The following PLTP variants were observed in gnomAD, a reference collection of about 807,000 sequenced individuals.
PLTP encodes phospholipid transfer protein, also known as BPI fold containing family E.
In PLTP, 43 loss-of-function variants were observed where a neutral mutation model predicts 54.1. The observed-to-expected ratio is 0.79, with a 90% confidence interval of 0.62 to 1.02. The LOEUF (loss-of-function observed/expected upper bound fraction) is 1.02. Among genes scored for constraint, PLTP ranks in the 50% least tolerant of loss-of-function variants. The probability of loss-of-function intolerance (pLI) is 0.00; values close to 1 mark genes in which losing one functional copy is unlikely to be tolerated. For synonymous variants in PLTP, 263 were observed against 264.6 expected (o/e 0.99, Z 0.06); for missense variants, 604 against 645.9 (o/e 0.94, Z 0.70).
At chr20:45,910,852 G>C (rs2083283186) in intron 3 of PLTP, 1 of 1,297,584 alleles carries the variant, frequency 7.7e-7, no homozygotes, top group Admixed American at 3.3e-5. Context: ...TCATCTATTG[G>C]GAAGTTCCTT....
chr20:45,911,212 T>C lies in PLTP; in HGVS notation c.140A>G (p.Glu47Gly). 1 of 1,614,132 alleles carries C rather than the reference T, an allele frequency of 6.2e-7. No homozygotes were observed. Among genetic ancestry groups the C allele is most frequent in the Non-Finnish European group, 8.5e-7 (1 of 1,180,014 alleles). ...EGLRFLEQEL[E>G]TITIPDLRGK... Reference sequence around the variant, plus strand: ...CCGCAGGTCCGGAATGGTGATAGTCTCCAGCTCTTGCTCCAGAAAGCGCAG... The same window carrying C: ...CCGCAGGTCCGGAATGGTGATAGTCCCCAGCTCTTGCTCCAGAAAGCGCAG... Residue 47 changes from glutamate to glycine, a missense_variant, in exon 3 of 16, where the codon GAG becomes GGG. Physicochemically the swap from Glu to Gly is moderately conservative, Grantham distance 98. Coordinates refer to ENST00000372431, the MANE Select transcript of PLTP (RefSeq NM_006227.4).
rs754126168 is a variant in PLTP at position 45,899,694 on chromosome 20, G to C, written c.1219-9C>G. On this transcript the variant is annotated splice_polypyrimidine_tract_variant and intron_variant, in intron 13 of 15. Coordinates refer to ENST00000372431, the MANE Select transcript of PLTP (RefSeq NM_006227.4). ...GCCTGTAATGGGATCAGCTGGGAGG[G>C]GCGAGGGCGGAAACAGGGCAGTGAG... 2 of 1,614,206 alleles carry C rather than the reference G, an allele frequency of 1.2e-6. No homozygotes were observed. Among genetic ancestry groups the C allele is most frequent in the South Asian group, 1.1e-5 (1 of 91,082 alleles).
chr20:45,900,183 A>C (rs2083169781), intron 12 of PLTP, among the ~76,000 whole-genome samples: 1 of 127,922 alleles, frequency 7.8e-6, no homozygotes, highest in Admixed American at 1.1e-4. Context: ...ATCTCGGCTC[A>C]CTGCTCCGTC....
At chr20:45,905,211 G>T (rs902710243) in intron 8 of PLTP, 93 bp from the exon 9 acceptor site, 7 of 1,146,052 alleles carry the variant, frequency 6.1e-6, no homozygotes, top group South Asian at 1.3e-5. Flanking sequence ...TAGGCACTGT[G>T]GGGGGATGGT....
At chr20:45,909,307 C>T (rs186706853) in intron 5 of PLTP, among the ~76,000 whole-genome samples, 2 of 150,946 alleles carry the variant, frequency 1.3e-5, no homozygotes, top group African/African-American at 5.0e-5. Context: ...ATAATCCTGA[C>T]AACGATCTTA....
chr20:45,901,329 G>A (rs1236608619), intron 12 of PLTP, among the ~76,000 whole-genome samples: 1 of 152,194 alleles, frequency 6.6e-6, no homozygotes, highest in African/African-American at 2.4e-5. Flanking sequence ...TGGGTGCGGT[G>A]GCTCACGCCT....
chr20:45,903,087 G>A (rs1289375106), intron 10 of PLTP, among the ~76,000 whole-genome samples: 2 of 152,222 alleles, frequency 1.3e-5, no homozygotes, highest in Admixed American at 6.5e-5. Context: ...ATTTTTAATA[G>A]AAACGGGGTT....
chr20:45,907,758 G>T lies in PLTP; in HGVS notation c.550-3C>A. The T allele has an allele frequency of 1.9e-6, 3 of 1,613,508 alleles. No homozygotes were observed. The highest frequency in any genetic ancestry group is 2.2e-5 in the East Asian group (1 of 44,872). ...GCGTGGTAGAGGACAGGGCAGATCT[G>T]CGAGGTGGGAGCCAGAGTCAGGGCC... On this transcript the variant is annotated splice_region_variant and splice_polypyrimidine_tract_variant and intron_variant, in intron 6 of 15. Coordinates refer to ENST00000372431, the MANE Select transcript of PLTP (RefSeq NM_006227.4).
chr20:45,902,947 A>G (rs2083201074), intron 10 of PLTP, among the ~76,000 whole-genome samples: 1 of 152,220 alleles, frequency 6.6e-6, no homozygotes, highest in African/African-American at 2.4e-5. Context: ...TTTGTTGCCC[A>G]GGCTGGAGTG....
At chr20:45,900,007 C>T in intron 12 of PLTP, 129 bp from the exon 13 acceptor site, 1 of 774,048 alleles carries the variant, frequency 1.3e-6, no homozygotes, top group Non-Finnish European at 2.3e-6. Context: ...TTTCCAAGTG[C>T]TACAACTTTC....
Position 45,899,023 on chromosome 20 carries a change from C to T in PLTP, c.1400G>A (p.Gly467Glu), listed in dbSNP as rs1318233325. The change falls in exon 16 of 16, where the codon GGG becomes GAG. Residue 467 changes from glycine to glutamate, a missense_variant. Physicochemically the swap from Gly to Glu is moderately conservative, Grantham distance 98 (BLOSUM62 -2). Transcript: ENST00000372431. ...GTTCTTCTCAATCACCTCTCGCAGC[C>T]CTTTGGCAAAGTGGAGATCAGCCCC... ...TIGADLHFAK[G>E]LREVIEKNRP... The T allele has an allele frequency of 6.2e-7, 1 of 1,614,116 alleles. No individual in the cohort carries two copies. The highest frequency in any genetic ancestry group is 2.2e-5 in the East Asian group (1 of 44,878).
intron 5 of PLTP, among the ~76,000 whole-genome samples, chr20:45,908,261 C>T (rs529343427): frequency 7.2e-5 from 11 of 152,148 alleles, no homozygotes; most frequent in South Asian, 2.1e-4. Context: ...TCCAGGCAGT[C>T]TTCCCAGATT....
At chr20:45,906,386 C>A in intron 7 of PLTP, 27 bp from the exon 8 acceptor site, 3 of 1,576,254 alleles carry the variant, frequency 1.9e-6, no homozygotes, top group Non-Finnish European at 2.6e-6. Context: ...AAGTCACTCA[C>A]GGCTGTGTGA....
In PLTP at chr20:45,907,895, A is replaced by G; in HGVS notation, c.495T>C (p.Tyr165=). ...AAFGGTFKKV[Y]DFLSTFITSG... ...AGGTGATGAACGTGGAGAGAAAATC[A>G]TACACCTTCCTGTGAGGAGAGGAGA... Residue 165 remains tyrosine, a synonymous_variant, in exon 6 of 16, where the codon TAT becomes TAC. Transcript: ENST00000372431. The G allele has an allele frequency of 6.3e-7, 1 of 1,580,076 alleles. No individual in the cohort carries two copies. The highest frequency in any genetic ancestry group is 1.3e-5 in the African/African-American group (1 of 74,838).
At chr20:45,911,077 A>T (rs1451539168) in intron 3 of PLTP, 75 bp downstream of exon 3, 10 of 1,610,230 alleles carry the variant, frequency 6.2e-6, no homozygotes, top group Non-Finnish European at 8.5e-6. Flanking sequence ...GTCTCCCGAG[A>T]CCCTGAGATT....
chr20:45,899,783 G>C (rs2083161536), intron 13 of PLTP, 53 bp downstream of exon 13: 1 of 1,579,204 alleles, frequency 6.3e-7, no homozygotes. Flanking sequence ...GGGGGATGGT[G>C]AGGGTCAGGA....
At chr20:45,904,701 G>T in intron 10 of PLTP, 99 bp downstream of exon 10, 1 of 1,077,548 alleles carries the variant, frequency 9.3e-7, no homozygotes, top group Non-Finnish European at 1.4e-6. Flanking sequence ...AAGAGGCCAG[G>T]GCCCTGTCTG....
intron 10 of PLTP, among the ~76,000 whole-genome samples, chr20:45,902,921 T>G (rs933153268): frequency 2.0e-5 from 3 of 152,254 alleles, no homozygotes; most frequent in Non-Finnish European, 4.4e-5. Context: ...CTTCTGTTTT[T>G]GATATGGAGT....
At chr20:45,911,484 C>A in intron 1 of PLTP, 21 bp from the exon 2 acceptor site, 1 of 1,600,020 alleles carries the variant, frequency 6.2e-7, no homozygotes, top group South Asian at 1.1e-5. Flanking sequence ...GGTGGGGTCG[C>A]AGGAGTTATC....
Sources: gnomAD v4.1 joint callset for allele counts (sites outside exome capture counted in the v4.1 genomes callset) on GRCh38, gnomAD v4.1.1 for gene constraint, MANE v1.5 for transcripts, NCBI Gene and HGNC (gene_info 2026-07-23, HGNC 2026-07-21) for gene names.